SHISA5: variants seen among roughly 807,000 people sequenced by gnomAD.
SHISA5 encodes shisa family member 5, also known as protein shisa-5.
A neutral mutation model predicts 27.5 loss-of-function variants in SHISA5; 21 were observed. The ratio of observed to expected loss-of-function variants is 0.76; its 90% confidence interval spans 0.54 to 1.10. The LOEUF is 1.10. Among genes scored for constraint, SHISA5 ranks in the 50% least tolerant of loss-of-function variants. SHISA5 has a pLI of 0.00. For missense variants in SHISA5, 314 were observed against 336.3 expected, an observed-to-expected ratio of 0.93 and a Z score of 0.52; for synonymous variants, 137 against 142.2, an observed-to-expected ratio of 0.96 and a Z score of 0.26.
At chr3:48,497,269 T>TTTG in intron 2 of SHISA5, among the ~76,000 whole-genome samples, 1 of 147,744 alleles carries the variant, frequency 6.8e-6, no homozygotes, top group African/African-American at 2.5e-5. Flanking sequence ...CAAGTTTTTT[T>TTTG]TTTTTTTTTT....
chr3:48,502,818 A>G (rs559235471), intron 1 of SHISA5, among the ~76,000 whole-genome samples: 1 of 152,342 alleles, frequency 6.6e-6, no homozygotes, highest in Non-Finnish European at 1.5e-5. Flanking sequence ...ACAGTCTGCC[A>G]TAGCACGTGG....
chr3:48,500,291 G>C (rs2041716556), intron 2 of SHISA5, among the ~76,000 whole-genome samples: 1 of 152,176 alleles, frequency 6.6e-6, no homozygotes. Context: ...GGTTGCCTGT[G>C]GGGTGGGAAA....
intron 3 of SHISA5, chr3:48,472,872 A>G (rs1350165452): frequency 2.1e-6 from 2 of 948,392 alleles, no homozygotes; most frequent in Non-Finnish European, 3.2e-6. Context: ...TTCCGGCCCA[A>G]CCAGAGGCAG....
chr3:48,478,931 G>A (rs2040911261), intron 3 of SHISA5, among the ~76,000 whole-genome samples: 1 of 151,788 alleles, frequency 6.6e-6, no homozygotes, highest in Admixed American at 6.6e-5. Flanking sequence ...AATGTACCCC[G>A]GACCCCTGGC....
intron 2 of SHISA5, among the ~76,000 whole-genome samples, chr3:48,496,223 C>T (rs1371395000): frequency 6.7e-6 from 1 of 149,436 alleles, no homozygotes; most frequent in Non-Finnish European, 1.5e-5. Flanking sequence ...ACCCGGGAAG[C>T]GGAGGTTGCA....
intron 3 of SHISA5, among the ~76,000 whole-genome samples, chr3:48,472,829 G>A (rs2040685263): frequency 6.6e-6 from 1 of 152,188 alleles, no homozygotes; most frequent in Non-Finnish European, 1.5e-5. Flanking sequence ...CCAGGACAAG[G>A]CCCTAAAACA....
In SHISA5 at chr3:48,504,089, A is replaced by T; in HGVS notation, c.6T>A (p.Thr2=). The T allele has an allele frequency of 7.4e-7, 1 of 1,345,964 alleles. No homozygotes were observed. Among genetic ancestry groups the T allele is most frequent in the Non-Finnish European group, 9.6e-7 (1 of 1,038,760 alleles). 83.4% of individuals were successfully genotyped at this position (1,345,964 alleles called of 1,614,324 possible). ...GGATCCGCGGCGCGGGGACCGGCGC[A>T]GTCATGGCTGGGCGGGCGGACGGGC... M[T]APVPAPRILL... The change falls in exon 1 of 6, where the codon ACT becomes ACA. Residue 2 remains threonine (T), a synonymous_variant. Coordinates refer to ENST00000296444, the MANE Select transcript of SHISA5 (RefSeq NM_016479.6). This position sits in a 1 kb window ranked among gnomAD's most constrained non-coding sequence, Gnocchi z 4.0.
chr3:48,504,404 G>T (rs1406150085), upstream of SHISA5: 1 of 276,598 alleles, frequency 3.6e-6, no homozygotes, highest in Non-Finnish European at 6.8e-6. The surrounding 1 kb of genome is among the most constrained non-coding windows in gnomAD (Gnocchi z 4.0). Flanking sequence ...GGCGACGCAC[G>T]GAGTTTCCTT....
chr3:48,492,686 T>A (rs1482439536), intron 2 of SHISA5, among the ~76,000 whole-genome samples: 2 of 147,660 alleles, frequency 1.4e-5, no homozygotes, highest in East Asian at 3.8e-4. Flanking sequence ...CAGAAACATT[T>A]AATAGGGACT....
intron 3 of SHISA5, among the ~76,000 whole-genome samples, chr3:48,475,886 G>A (rs1037447480): frequency 6.6e-6 from 1 of 152,190 alleles, no homozygotes; most frequent in African/African-American, 2.4e-5. Context: ...ACTTGCCAAA[G>A]TCTAGGGGGC....
intron 2 of SHISA5, among the ~76,000 whole-genome samples, chr3:48,483,107 T>TTA (rs1553825937): frequency 1.1e-4 from 16 of 151,652 alleles, no homozygotes; most frequent in African/African-American, 2.7e-4. Context: ...TTTTTTTTTT[T>TTA]ATTGATCATT....
chr3:48,503,470 C>T (rs2041813114), intron 1 of SHISA5, among the ~76,000 whole-genome samples: 1 of 152,184 alleles, frequency 6.6e-6, no homozygotes, highest in South Asian at 2.1e-4. Flanking sequence ...CAATTCCTAA[C>T]CCTTTAAAGG....
At chr3:48,484,174 G>C (rs1397300818) in intron 2 of SHISA5, among the ~76,000 whole-genome samples, 1 of 152,188 alleles carries the variant, frequency 6.6e-6, no homozygotes. Context: ...TGTTCTCTCT[G>C]CTTTTGTACT....
intron 2 of SHISA5, among the ~76,000 whole-genome samples, chr3:48,499,685 TAAA>T (rs1241215999): frequency 9.4e-6 from 1 of 106,180 alleles, no homozygotes; most frequent in Non-Finnish European, 1.9e-5. Context: ...AGACTCTGTC[TAAA>T]AAAAAAAAAA....
chr3:48,485,077 G>C (rs1474155422), intron 2 of SHISA5, among the ~76,000 whole-genome samples: 1 of 152,074 alleles, frequency 6.6e-6, no homozygotes, highest in Non-Finnish European at 1.5e-5. Flanking sequence ...TACTCAACAG[G>C]CTGAGGCAGG....
chr3:48,471,378 T>C lies in SHISA5; in HGVS notation c.315-1535A>G, dbSNP rs567473352. On this transcript the variant is annotated intron_variant, in intron 3 of 5. Transcript: ENST00000296444. ...ATGGGCGGATCACAAGGTTAGCAGT[T>C]TGAGACCAGCTTGGTCAACATGGTG... is the stretch of plus-strand genomic sequence containing the variant. Among the ~76,000 whole-genome samples the C allele has an allele frequency of 6.0e-5, 9 of 150,288 alleles. No individual in the cohort carries two copies. In the South Asian group the frequency reaches 1.7e-3, roughly 28 times the overall value.
upstream of SHISA5, chr3:48,504,416 T>G: frequency 4.0e-6 from 1 of 252,236 alleles, no homozygotes; most frequent in African/African-American, 2.2e-5. The surrounding 1 kb of genome is among the most constrained non-coding windows in gnomAD (Gnocchi z 4.0). Flanking sequence ...AGTTTCCTTC[T>G]GCTCACCGGA....
At chr3:48,485,934 C>G (rs2041205438) in intron 2 of SHISA5, among the ~76,000 whole-genome samples, 1 of 151,102 alleles carries the variant, frequency 6.6e-6, no homozygotes, top group Non-Finnish European at 1.5e-5. Flanking sequence ...CCTGATGACC[C>G]CCATTCACTT....
chr3:48,470,798 G>C lies in SHISA5; in HGVS notation c.315-955C>G, dbSNP rs990130011. On this transcript the variant is annotated intron_variant, in intron 3 of 5. Coordinates refer to ENST00000296444, the MANE Select transcript of SHISA5 (RefSeq NM_016479.6). This position sits in a 1 kb window ranked among gnomAD's most constrained non-coding sequence, Gnocchi z 4.3. ...AAAAATTAGTCGGGCACGGTGGCGGGTGCCTGTAATCCCAGCTACTTGGGA... is the reference window on the plus strand; with the variant it reads ...AAAAATTAGTCGGGCACGGTGGCGGCTGCCTGTAATCCCAGCTACTTGGGA... Among the ~76,000 whole-genome samples the C allele has an allele frequency of 6.6e-6, 1 of 152,060 alleles. No homozygotes were observed. Among genetic ancestry groups the C allele is most frequent in the Non-Finnish European group, 1.5e-5 (1 of 67,998 alleles).
Sources: gnomAD v4.1 joint callset for allele counts (sites outside exome capture counted in the v4.1 genomes callset) on GRCh38, gnomAD v4.1.1 for gene constraint, Gnocchi (gnomAD v3.1) non-coding constraint, MANE v1.5 for transcripts, NCBI Gene and HGNC (gene_info 2026-07-23, HGNC 2026-07-21) for gene names.